Variants in RNF125 observed in about 807,000 individuals in gnomAD.
RNF125 encodes E3 ubiquitin-protein ligase RNF125.
A neutral mutation model predicts 26.0 loss-of-function variants in RNF125; 21 were observed. The observed-to-expected ratio is 0.81, with a 90% CI of 0.57 to 1.16. The LOEUF (loss-of-function observed/expected upper bound fraction) is 1.16, where lower values mean the gene tolerates loss of function less well. Ranked by LOEUF, RNF125 falls within the 50% of genes most tolerant of loss-of-function variation. The pLI is 0.00. For synonymous variants in RNF125, 95 were observed against 109.2 expected (o/e 0.87, Z 0.81); for missense variants, 270 against 299.4 (o/e 0.90, Z 0.72).
intron 2 of RNF125, among the ~76,000 whole-genome samples, chr18:32,040,071 G>A (rs9944826): frequency 0.059 from 8,942 of 151,732 alleles, 895 homozygotes; most frequent in African/African-American, 0.2. Context: ...GAGCCACTGC[G>A]CCCAGCTTTG....
intron 1 of RNF125, among the ~76,000 whole-genome samples, chr18:32,032,231 C>G (rs2039104351): frequency 6.6e-6 from 1 of 152,098 alleles, no homozygotes; most frequent in Non-Finnish European, 1.5e-5. Flanking sequence ...CACCCACCAC[C>G]ATGCCTGGCC....
intron 1 of RNF125, among the ~76,000 whole-genome samples, chr18:32,023,600 T>C (rs2039005582): frequency 6.6e-6 from 1 of 152,236 alleles, no homozygotes; most frequent in South Asian, 2.1e-4. Flanking sequence ...TGTATCTAAG[T>C]ATGACATTCC....
chr18:32,028,275 G>A (rs2144440431), intron 1 of RNF125, among the ~76,000 whole-genome samples: 1 of 138,496 alleles, frequency 7.2e-6, no homozygotes, highest in African/African-American at 2.7e-5. Context: ...TCCAGCCTGG[G>A]CAACAGAGCG....
At chr18:32,074,987 G>A (rs1471683991), downstream of RNF125, among the ~76,000 whole-genome samples, 5 of 152,132 alleles carry the variant, frequency 3.3e-5, no homozygotes, top group Non-Finnish European at 7.4e-5. Flanking sequence ...TGCCAAATAT[G>A]TTCTCTGTCC....
chr18:32,054,110 T>G lies in RNF125; in HGVS notation c.504+8378T>G, dbSNP rs866099504. On this transcript the variant is annotated intron_variant, in intron 4 of 5. Transcript: ENST00000217740. ...ACTTTTTTTTTTTTTTTTTTTTTTT[T>G]GAGACAGAGTTTCACTCTTGTCACC... is the stretch of plus-strand genomic sequence containing the variant. Among the ~76,000 whole-genome samples the G allele has an allele frequency of 3.5e-3, 480 of 137,570 alleles. 2 individuals are homozygous for G. Among genetic ancestry groups the G allele is most frequent in the Middle Eastern group, 0.02 (5 of 252 alleles). The allele number at this position is 137,570 out of a possible 152,430, so 90.3% of individuals were successfully genotyped here. A position where few individuals can be genotyped will look rare whatever the true frequency, so the allele number is the denominator to read the frequency against.
At chr18:32,061,176 C>T (rs2039431283) in intron 4 of RNF125, among the ~76,000 whole-genome samples, 1 of 152,162 alleles carries the variant, frequency 6.6e-6, no homozygotes, top group African/African-American at 2.4e-5. Flanking sequence ...AGGCACCCGC[C>T]ACCACACCCG....
chr18:32,026,457 C>T (rs1296473065), intron 1 of RNF125, among the ~76,000 whole-genome samples: 2 of 152,002 alleles, frequency 1.3e-5, no homozygotes, highest in Admixed American at 6.6e-5. Flanking sequence ...CCATGTTGCT[C>T]TCAAACTCCT....
the RNF125 span, among the ~76,000 whole-genome samples, chr18:32,088,649 T>C: frequency 6.6e-6 from 1 of 152,138 alleles, no homozygotes; most frequent in South Asian, 2.1e-4. Context: ...ACTATAGGCA[T>C]GCATACCATG....
chr18:32,085,343 C>A, the RNF125 span, among the ~76,000 whole-genome samples: 1 of 148,582 alleles, frequency 6.7e-6, no homozygotes, highest in Non-Finnish European at 1.5e-5. Flanking sequence ...GAAGCCAAAA[C>A]CGCAGAAGAA....
intron 1 of RNF125, chr18:32,030,969 A>G (rs532927011): frequency 5.9e-5 from 9 of 152,242 alleles, no homozygotes; most frequent in East Asian, 1.9e-4. Context: ...GTTGGCTTTT[A>G]TAGCAAAGCC....
intron 4 of RNF125, among the ~76,000 whole-genome samples, chr18:32,050,723 A>G (rs1167679586): frequency 1.3e-5 from 2 of 152,064 alleles, no homozygotes; most frequent in Non-Finnish European, 2.9e-5. Flanking sequence ...TTTAGACTGA[A>G]TTATGAGACC....
Position 32,070,240 on chromosome 18 carries a change from A to T in RNF125, c.*1856A>T, listed in dbSNP as rs2039521900. 6.6e-6 allele frequency: 1 copy of T among 152,038 alleles called. No individual in the cohort carries two copies. The highest frequency in any genetic ancestry group is 2.1e-4 in the South Asian group (1 of 4,824). The allele number at this position is 152,038 out of a possible 1,614,324, so 9.4% of individuals were successfully genotyped here. On this transcript the variant is annotated 3_prime_UTR_variant, in exon 6 of 6. Transcript: ENST00000217740. The stretch of plus-strand genomic sequence containing the variant: ...ATTTTTAGTAGAGGGGTTTCACCAT[A>T]ATGGTCAGGCTGGTCTTGAACTCCT...
In RNF125 at chr18:32,068,624, A is replaced by C. The variant is rs969623852; in HGVS notation, c.*240A>C. 5 of 388,946 alleles carry C rather than the reference A, an allele frequency of 1.3e-5. No homozygotes were observed. The highest frequency in any genetic ancestry group is 1.4e-5 in the Non-Finnish European group (3 of 212,874). 24.1% of individuals were successfully genotyped at this position (388,946 alleles called of 1,614,324 possible). ...ACAAAAAAAATTATCTACATCAGTC[A>C]TTGTTACATGGAAAAGACAGGTGGT... On this transcript the variant is annotated 3_prime_UTR_variant, in exon 6 of 6. Coordinates refer to ENST00000217740, the MANE Select transcript of RNF125 (RefSeq NM_017831.4).
intron 4 of RNF125, among the ~76,000 whole-genome samples, chr18:32,059,238 C>T (rs11873332): frequency 3.9e-5 from 6 of 152,294 alleles, no homozygotes; most frequent in Admixed American, 3.3e-4. Flanking sequence ...ATTCCCACCA[C>T]CCGTGTATGA....
At chr18:32,083,511 T>C in the RNF125 span, among the ~76,000 whole-genome samples, 12,473 of 152,214 alleles carry the variant, frequency 0.082, 870 homozygotes, top group East Asian at 0.24. Context: ...CTTTTTAAAA[T>C]TGGTGTCAGG....
In RNF125 at chr18:32,068,793, G is replaced by A. The variant is rs2039507760; in HGVS notation, c.*409G>A. The stretch of plus-strand genomic sequence containing the variant: ...AATATGGAGAGTGAAACAAAGTGCA[G>A]ACATTCAAAGAAATAAGAAATCTGC... On this transcript the variant is annotated 3_prime_UTR_variant, in exon 6 of 6. Coordinates refer to ENST00000217740, the MANE Select transcript of RNF125 (RefSeq NM_017831.4). The A allele has an allele frequency of 6.4e-6, 1 of 155,760 alleles. No homozygotes were observed. The highest frequency in any genetic ancestry group is 1.9e-4 in the South Asian group (1 of 5,144). The allele number at this position is 155,760 out of a possible 1,614,324, so 9.6% of individuals were successfully genotyped here. A position where few individuals can be genotyped will look rare whatever the true frequency, so the allele number is the denominator to read the frequency against.
At chr18:32,065,880 C>T (rs200490423) in intron 4 of RNF125, 22 bp from the exon 5 acceptor site, 11 of 1,497,600 alleles carry the variant, frequency 7.3e-6, no homozygotes, top group Non-Finnish European at 1.0e-5. Flanking sequence ...TTTCTTGAAC[C>T]CCTGGTCTTG....
chr18:32,038,460 C>G (rs559426506), intron 2 of RNF125, among the ~76,000 whole-genome samples: 1 of 152,294 alleles, frequency 6.6e-6, no homozygotes, highest in East Asian at 1.9e-4. Context: ...TCCCTTCTTC[C>G]CATTACTCCA....
Position 32,064,535 on chromosome 18 carries a change from G to A in RNF125, c.505-1367G>A, listed in dbSNP as rs549563329. ...GATTACATTTCAACATGAGATTTGG[G>A]TGGGGACAAGTTTCCAAACTATATC... On this transcript the variant is annotated intron_variant, in intron 4 of 5. Coordinates refer to ENST00000217740, the MANE Select transcript of RNF125 (RefSeq NM_017831.4). 6.7e-5 allele frequency among the ~76,000 whole-genome samples: 10 copies of A among 148,488 alleles called. 1 individual carries two copies. Among genetic ancestry groups the A allele is most frequent in the Admixed American group, 6.2e-4 (9 of 14,524 alleles).
Sources: allele counts gnomAD v4.1 joint callset (sites outside exome capture counted in the v4.1 genomes callset), GRCh38; gene constraint gnomAD v4.1.1; transcripts MANE v1.5; gene names NCBI Gene and HGNC (gene_info 2026-07-23, HGNC 2026-07-21).